Variants in CNTN3 observed in about 807,000 individuals in gnomAD.
CNTN3 encodes contactin-3.
A neutral mutation model predicts 119.1 loss-of-function variants in CNTN3; 60 were observed. The observed-to-expected ratio is 0.50, with a 90% CI of 0.41 to 0.62. The LOEUF is 0.62. Among genes scored for constraint, CNTN3 ranks in the 20% least tolerant of loss-of-function variants. CNTN3 has a pLI of 0.00. For synonymous variants in CNTN3, 450 were observed against 438.7 expected, an observed-to-expected ratio of 1.03 and a Z score of -0.32; for missense variants, 1,101 against 1,242.4, an observed-to-expected ratio of 0.89 and a Z score of 1.71.
At chr3:74,298,415 G>A (rs1408885481) in intron 17 of CNTN3, among the ~76,000 whole-genome samples, 1 of 152,130 alleles carries the variant, frequency 6.6e-6, no homozygotes, top group Non-Finnish European at 1.5e-5. Context: ...ATAATGAACT[G>A]GAATTTTCTG....
chr3:74,519,763 C>A (rs1196367735), intron 2 of CNTN3, among the ~76,000 whole-genome samples: 8 of 151,592 alleles, frequency 5.3e-5, no homozygotes, highest in Admixed American at 4.6e-4. Context: ...AATTTTTAAA[C>A]AACTATTCTT....
In CNTN3 at chr3:74,611,454, A is replaced by T. The variant is rs59990133; in HGVS notation, c.-81+2937T>A. On this transcript the variant is annotated intron_variant, in intron 1 of 22. Coordinates refer to ENST00000263665, the MANE Select transcript of CNTN3 (RefSeq NM_020872.3). ...CATTTCTCCTGCAGCAATTTTTCCAAAGAAATGTCCCACTGTGTTTAAGAG... is the reference window on the plus strand; with the variant it reads ...CATTTCTCCTGCAGCAATTTTTCCATAGAAATGTCCCACTGTGTTTAAGAG... 4.4e-3 allele frequency among the ~76,000 whole-genome samples: 667 copies of T among 152,278 alleles called. 2 individuals are homozygous for T. Among genetic ancestry groups the T allele is most frequent in the African/African-American group, 0.015 (624 of 41,558 alleles).
chr3:74,285,371 G>A lies in CNTN3; in HGVS notation c.2638C>T (p.Arg880Trp), dbSNP rs773982723. ...KSNLAYYTAV[R>W]AYNSAGAGPF... is the part of the protein sequence containing the mutation. Reference sequence around the variant, plus strand: ...CCAGCGCCGGCACTGTTGTAAGCCCGGACAGCCGTGTAATAGGCCAGGTTG... The same window carrying A: ...CCAGCGCCGGCACTGTTGTAAGCCCAGACAGCCGTGTAATAGGCCAGGTTG... Residue 880 changes from arginine (R) to tryptophan (W), a missense_variant, in exon 20 of 23, where the codon CGG becomes TGG. By Grantham distance (101) the Arg-to-Trp change is moderately radical (BLOSUM62 -3). Coordinates refer to ENST00000263665, the MANE Select transcript of CNTN3 (RefSeq NM_020872.3). The A allele has an allele frequency of 3.7e-6, 6 of 1,613,562 alleles. No individual in the cohort carries two copies. Among genetic ancestry groups the A allele is most frequent in the South Asian group, 3.3e-5 (3 of 91,012 alleles).
chr3:74,442,721 C>T (rs951642533), intron 4 of CNTN3, among the ~76,000 whole-genome samples: 1 of 152,174 alleles, frequency 6.6e-6, no homozygotes, highest in African/African-American at 2.4e-5. Flanking sequence ...ATAATAATAG[C>T]TCACATTTAA....
chr3:74,568,130 C>A (rs1704255043), intron 1 of CNTN3, among the ~76,000 whole-genome samples: 1 of 151,386 alleles, frequency 6.6e-6, no homozygotes, highest in South Asian at 2.1e-4. Context: ...GTCCAATTCT[C>A]ACGCCTATGA....
At chr3:74,556,973 T>A (rs539056042) in intron 1 of CNTN3, among the ~76,000 whole-genome samples, 14 of 152,300 alleles carry the variant, frequency 9.2e-5, no homozygotes, top group Non-Finnish European at 1.5e-4. Flanking sequence ...CTTTGTCCAG[T>A]TTTCAACAGG....
intron 11 of CNTN3, among the ~76,000 whole-genome samples, chr3:74,345,471 G>A (rs899325646): frequency 2.6e-5 from 4 of 152,086 alleles, no homozygotes; most frequent in Non-Finnish European, 2.9e-5. Flanking sequence ...AAAAACATAC[G>A]TGAGAAATAA....
chr3:74,396,901 A>G lies in CNTN3; in HGVS notation c.455-25502T>C, dbSNP rs374425699. Among the ~76,000 whole-genome samples, 18 of 152,302 alleles carry G rather than the reference A, an allele frequency of 1.2e-4. No homozygotes were observed. The East Asian group carries it at 3.5e-3, about 29-fold the overall frequency. On this transcript the variant is annotated intron_variant, in intron 5 of 22. Transcript: ENST00000263665. Reference sequence around the variant, plus strand: ...CAAGTGCTGATGTAGAAGCTGCAGCACATTTTCCAGGACAGCCAGCGAAGA... The same window carrying G: ...CAAGTGCTGATGTAGAAGCTGCAGCGCATTTTCCAGGACAGCCAGCGAAGA...
chr3:74,433,690 A>G (rs1701822149), intron 4 of CNTN3, among the ~76,000 whole-genome samples: 1 of 152,162 alleles, frequency 6.6e-6, no homozygotes, highest in Admixed American at 6.5e-5. Flanking sequence ...ACACTAAGCA[A>G]CAACAAACTT....
intron 1 of CNTN3, among the ~76,000 whole-genome samples, chr3:74,613,646 G>A (rs1705119678): frequency 1.3e-5 from 2 of 152,210 alleles, no homozygotes; most frequent in South Asian, 4.1e-4. Context: ...GAGCCCAGAA[G>A]CTGTTCGTTC....
At chr3:74,430,222 C>T (rs191349760) in intron 4 of CNTN3, among the ~76,000 whole-genome samples, 10 of 152,254 alleles carry the variant, frequency 6.6e-5, no homozygotes, top group South Asian at 2.1e-4. Context: ...TCTAACAGCC[C>T]TAAACTGGAA....
At chr3:74,450,659 C>T (rs1702134169) in intron 4 of CNTN3, among the ~76,000 whole-genome samples, 1 of 115,670 alleles carries the variant, frequency 8.6e-6, no homozygotes, top group Admixed American at 9.8e-5. Flanking sequence ...CTATCCCTCC[C>T]CCCTCCCCCC....
At chr3:74,295,756 C>T (rs1460201746) in intron 18 of CNTN3, among the ~76,000 whole-genome samples, 2 of 152,118 alleles carry the variant, frequency 1.3e-5, no homozygotes, top group Non-Finnish European at 2.9e-5. Context: ...ATGCAGGTGG[C>T]TTATCATATA....
At chr3:74,474,579 C>T (rs11721102) in intron 4 of CNTN3, among the ~76,000 whole-genome samples, 30,318 of 151,900 alleles carry the variant, frequency 0.2, 3,152 homozygotes, top group Admixed American at 0.26. Context: ...CTGCAACCTC[C>T]ATCTCCCAAG....
intron 2 of CNTN3, among the ~76,000 whole-genome samples, chr3:74,513,083 A>G (rs1241951194): frequency 8.6e-5 from 13 of 152,046 alleles, no homozygotes. Context: ...AGGCTAACGT[A>G]AAAACACACA....
At chr3:74,612,664 TA>T (rs369992171) in intron 1 of CNTN3, among the ~76,000 whole-genome samples, 25 of 152,292 alleles carry the variant, frequency 1.6e-4, no homozygotes, top group African/African-American at 5.8e-4. Context: ...CTATTCATCT[TA>T]TAAAAGTGTA....
At chr3:74,456,203 CAT>C (rs1314723127) in intron 4 of CNTN3, among the ~76,000 whole-genome samples, 5 of 148,630 alleles carry the variant, frequency 3.4e-5, no homozygotes, top group Non-Finnish European at 7.4e-5. Context: ...TAATGTTTTA[CAT>C]GTGTATATAT....
At chr3:74,333,004 A>G (rs766282031) in intron 13 of CNTN3, among the ~76,000 whole-genome samples, 3 of 152,248 alleles carry the variant, frequency 2.0e-5, no homozygotes, top group Non-Finnish European at 4.4e-5. Context: ...GCCTTTTCCT[A>G]TCATGACAGA....
intron 5 of CNTN3, among the ~76,000 whole-genome samples, chr3:74,421,745 C>T (rs1181317523): frequency 7.2e-5 from 11 of 152,176 alleles, no homozygotes; most frequent in Non-Finnish European, 1.2e-4. Flanking sequence ...GACCACAGTG[C>T]AGGCCATGAG....
Sources: allele counts gnomAD v4.1 joint callset (sites outside exome capture counted in the v4.1 genomes callset), GRCh38; gene constraint gnomAD v4.1.1; transcripts MANE v1.5; gene names NCBI Gene and HGNC (gene_info 2026-07-23, HGNC 2026-07-21).